The following PRUNE2 variants were observed in gnomAD, a reference collection of about 807,000 sequenced individuals.
The protein encoded by PRUNE2 is prune homolog 2 with BCH domain.
In PRUNE2, 164 loss-of-function variants were observed where a neutral mutation model predicts 252.0. That is an observed-to-expected ratio of 0.65 (90% CI 0.57 to 0.74). The LOEUF (loss-of-function observed/expected upper bound fraction) is 0.74. Ranked by LOEUF, PRUNE2 falls within the 30% of genes least tolerant of loss-of-function variation. The probability of loss-of-function intolerance (pLI) is 0.00; values close to 1 mark genes in which losing one functional copy is unlikely to be tolerated. For synonymous variants in PRUNE2, 1,292 were observed against 1,350.2 expected, an observed-to-expected ratio of 0.96 and a Z score of 0.94; for missense variants, 3,495 against 3,711.0, an observed-to-expected ratio of 0.94 and a Z score of 1.51.
Position 76,788,603 on chromosome 9 carries a change from T to C in PRUNE2, c.756+35029A>G, listed in dbSNP as rs1410160079. ...TATTGAATAAATGCACAAAGAGCAC[T>C]TAAAGCAGTGCTTGACACAACTTAA... On this transcript the variant is annotated intron_variant, in intron 6 of 18. Transcript: ENST00000376718. The C allele has an allele frequency of 5.8e-6, 4 of 686,056 alleles. No homozygotes were observed. In the African/African-American group the frequency reaches 7.1e-5, roughly 12 times the overall value. 42.5% of individuals were successfully genotyped at this position (686,056 alleles called of 1,614,324 possible).
chr9:76,687,700 G>A (rs929468234), intron 9 of PRUNE2: 1 of 339,038 alleles, frequency 2.9e-6, no homozygotes, highest in Non-Finnish European at 6.1e-6. Context: ...TATGGAAAGT[G>A]TTAGCCTCGG....
intron 1 of PRUNE2, among the ~76,000 whole-genome samples, chr9:76,858,280 A>C (rs1243687531): frequency 6.6e-6 from 1 of 152,208 alleles, no homozygotes; most frequent in Non-Finnish European, 1.5e-5. Context: ...CCAAATAATC[A>C]GATAATTTAA....
At position 76,704,823 on chromosome 9, in the gene PRUNE2, T is replaced by G; in HGVS notation, c.7451A>C (p.Asp2484Ala). ...AGAATTATCTGTTTCTACTTCCCAG[T>G]CAACGTTTGATGGAGACAAAATGTT... ...GSNILSPSNV[D>A]WEVETDNSDL... is the part of the protein sequence containing the mutation. Residue 2484 changes from aspartate to alanine, a missense_variant, in exon 8 of 19, where the codon GAC (aspartate) becomes GCC (alanine). Physicochemically the swap from Asp to Ala is moderately radical, Grantham distance 126 (BLOSUM62 -2). Coordinates refer to ENST00000376718, the MANE Select transcript of PRUNE2 (RefSeq NM_015225.3). The G allele has an allele frequency of 6.3e-7, 1 of 1,590,124 alleles. No homozygotes were observed. The highest frequency in any genetic ancestry group is 8.6e-7 in the Non-Finnish European group (1 of 1,166,628).
At chr9:76,684,019 T>C (rs903037445) in intron 9 of PRUNE2, among the ~76,000 whole-genome samples, 4 of 152,020 alleles carry the variant, frequency 2.6e-5, no homozygotes, top group East Asian at 1.9e-4. Flanking sequence ...TTTTGACATA[T>C]ATTTACACTG....
chr9:76,854,123 T>C lies in PRUNE2; in HGVS notation c.122A>G (p.Tyr41Cys). The change falls in exon 2 of 19, where the codon TAT (tyrosine) becomes TGT (cysteine). Residue 41 changes from tyrosine to cysteine, a missense_variant. Physicochemically the swap from Tyr to Cys is radical, Grantham distance 194. Transcript: ENST00000376718. ...DLDSLISTFT[Y>C]AYFLDKVSPP... is the part of the protein sequence containing the mutation. ...CCTCACCTTGTCTAGAAAGTAAGCA[T>C]ATGTGAAGGTAGAAATGAGAGAATC... is the stretch of plus-strand genomic sequence containing the variant. The C allele has an allele frequency of 6.3e-7, 1 of 1,587,730 alleles. No homozygotes were observed. The highest frequency in any genetic ancestry group is 8.6e-7 in the Non-Finnish European group (1 of 1,159,060).
intron 6 of PRUNE2, among the ~76,000 whole-genome samples, chr9:76,736,314 AT>A (rs1382164948): frequency 1.3e-5 from 2 of 152,234 alleles, no homozygotes; most frequent in Non-Finnish European, 2.9e-5. Flanking sequence ...GACATACTTT[AT>A]GCTATGGATA....
chr9:76,845,228 GA>G (rs1251589395), intron 4 of PRUNE2, among the ~76,000 whole-genome samples: 3 of 151,994 alleles, frequency 2.0e-5, no homozygotes, highest in Non-Finnish European at 4.4e-5. Context: ...ACTATTTGTA[GA>G]AAATTATGAT....
intron 7 of PRUNE2, among the ~76,000 whole-genome samples, chr9:76,712,039 T>C (rs866543559): frequency 2.0e-5 from 3 of 152,156 alleles, no homozygotes; most frequent in South Asian, 2.1e-4. Context: ...TATTTTGTTG[T>C]GCTGGGCCTT....
chr9:76,820,070 G>A (rs143472580), intron 6 of PRUNE2, among the ~76,000 whole-genome samples: 31 of 152,256 alleles, frequency 2.0e-4, no homozygotes, highest in Admixed American at 5.9e-4. Flanking sequence ...CCCACAAGAC[G>A]CATGCTACTT....
chr9:76,806,474 C>T lies in PRUNE2; in HGVS notation c.756+17158G>A, dbSNP rs557028327. Among the ~76,000 whole-genome samples the T allele has an allele frequency of 2.0e-5, 3 of 150,156 alleles. No individual in the cohort carries two copies. The East Asian group carries it at 5.8e-4, about 29-fold the overall frequency. The stretch of plus-strand genomic sequence containing the variant: ...AATAATTGCTTTATTTAATTTAACA[C>T]TTATGAGGGGCTTACCATGTGTCAG... On this transcript the variant is annotated intron_variant, in intron 6 of 18. Transcript: ENST00000376718.
At chr9:76,825,415 T>A (rs148379432) in intron 5 of PRUNE2, among the ~76,000 whole-genome samples, 1 of 152,300 alleles carries the variant, frequency 6.6e-6, no homozygotes, top group East Asian at 1.9e-4. Context: ...AAGCTCTGGT[T>A]TCCCATGGAG....
intron 6 of PRUNE2, among the ~76,000 whole-genome samples, chr9:76,819,025 T>C (rs1356154472): frequency 6.6e-6 from 1 of 151,898 alleles, no homozygotes. Flanking sequence ...CTGAGGCGAG[T>C]TGATCGTTTG....
chr9:76,853,223 G>A (rs1307101717), intron 2 of PRUNE2, among the ~76,000 whole-genome samples: 1 of 152,118 alleles, frequency 6.6e-6, no homozygotes, highest in African/African-American at 2.4e-5. Flanking sequence ...AGCAGTTCTT[G>A]CCACCCACAG....
chr9:76,652,928 C>A (rs1439866034), intron 10 of PRUNE2, among the ~76,000 whole-genome samples: 2 of 152,112 alleles, frequency 1.3e-5, no homozygotes, highest in Admixed American at 1.3e-4. Flanking sequence ...CTGGTCCAAG[C>A]ATTTAAGTAA....
intron 1 of PRUNE2, among the ~76,000 whole-genome samples, chr9:76,894,502 T>C (rs2062691772): frequency 1.3e-5 from 2 of 152,166 alleles, no homozygotes; most frequent in Admixed American, 1.3e-4. Flanking sequence ...GAGCAGCTGA[T>C]CTGTCCACAT....
chr9:76,807,463 C>T (rs1379852311), intron 6 of PRUNE2, among the ~76,000 whole-genome samples: 1 of 152,106 alleles, frequency 6.6e-6, no homozygotes, highest in African/African-American at 2.4e-5. Flanking sequence ...TCAGCAGCTA[C>T]TCAGTATTTC....
At chr9:76,853,978 C>T (rs991352008) in intron 2 of PRUNE2, 126 bp downstream of exon 2, 3 of 507,718 alleles carry the variant, frequency 5.9e-6, no homozygotes, top group South Asian at 3.9e-5. Context: ...ATACTTTATA[C>T]TCTGCAACAA....
At chr9:76,877,379 AC>A (rs1469552081) in intron 1 of PRUNE2, among the ~76,000 whole-genome samples, 1 of 151,978 alleles carries the variant, frequency 6.6e-6, no homozygotes, top group African/African-American at 2.4e-5. Context: ...GGTGGCAGTC[AC>A]CTGTAGTCCC....
intron 9 of PRUNE2, among the ~76,000 whole-genome samples, chr9:76,693,403 A>AG (rs980740454): frequency 1.3e-5 from 2 of 149,110 alleles, no homozygotes; most frequent in Non-Finnish European, 3.0e-5. Context: ...GCAGATGACC[A>AG]CCAGGGTAGG....
Sources: allele counts gnomAD v4.1 joint callset (sites outside exome capture counted in the v4.1 genomes callset), GRCh38; gene constraint gnomAD v4.1.1; transcripts MANE v1.5; gene names NCBI Gene and HGNC (gene_info 2026-07-23, HGNC 2026-07-21).